LRP1B: variants seen among roughly 807,000 people sequenced by gnomAD.
The protein encoded by LRP1B is low-density lipoprotein receptor-related protein 1B.
Under a neutral mutation model 556.6 loss-of-function variants are expected in LRP1B, and 217 were observed. That is an observed-to-expected ratio of 0.39 (90% CI 0.35 to 0.44). The LOEUF is 0.44. Among genes scored for constraint, LRP1B ranks in the 20% least tolerant of loss-of-function variants. The pLI is 1.00. For missense variants in LRP1B, 5,053 were observed against 5,620.8 expected (o/e 0.90, Z 3.23); for synonymous variants, 2,047 against 1,865.8 (o/e 1.10, Z -2.50).
chr2:141,979,972 T>A (rs965092004), intron 1 of LRP1B, among the ~76,000 whole-genome samples: 5 of 152,292 alleles, frequency 3.3e-5, no homozygotes, highest in Admixed American at 2.6e-4. Flanking sequence ...ATTAATATGT[T>A]TTTCACAACA....
chr2:141,427,351 A>C (rs1271538548), intron 3 of LRP1B, among the ~76,000 whole-genome samples: 1 of 152,180 alleles, frequency 6.6e-6, no homozygotes, highest in Non-Finnish European at 1.5e-5. Context: ...TTAGCAAATA[A>C]ATTTTAAAAA....
At chr2:140,888,503 TTATACA>T (rs1485557295) in intron 23 of LRP1B, among the ~76,000 whole-genome samples, 2 of 150,792 alleles carry the variant, frequency 1.3e-5, no homozygotes, top group South Asian at 2.1e-4. Context: ...ATATATATAC[TTATACA>T]TATAAATATA....
At chr2:141,828,242 CA>C (rs749266365) in intron 1 of LRP1B, among the ~76,000 whole-genome samples, 17 of 152,078 alleles carry the variant, frequency 1.1e-4, no homozygotes, top group African/African-American at 1.7e-4. Flanking sequence ...CTTCAATACA[CA>C]TTTTTTTATT....
At chr2:141,099,475 C>T (rs1700406560) in intron 7 of LRP1B, among the ~76,000 whole-genome samples, 1 of 152,208 alleles carries the variant, frequency 6.6e-6, no homozygotes, top group Non-Finnish European at 1.5e-5. Flanking sequence ...TCTTTCAGTT[C>T]TCATAGGGCA....
At chr2:140,464,620 T>A (rs150801826) in intron 60 of LRP1B, among the ~76,000 whole-genome samples, 1 of 152,324 alleles carries the variant, frequency 6.6e-6, no homozygotes, top group Admixed American at 6.5e-5. Context: ...CAAAGCAACA[T>A]TGCTTCATGC....
intron 87 of LRP1B, among the ~76,000 whole-genome samples, chr2:140,244,159 G>T (rs1681061598): frequency 6.6e-6 from 1 of 151,090 alleles, no homozygotes; most frequent in Non-Finnish European, 1.5e-5. Context: ...TGCTTTGGGA[G>T]AAATGGAAAT....
rs564815006 is a variant in LRP1B at position 140,921,051 on chromosome 2, A to G, written c.3319+1914T>C. The stretch of plus-strand genomic sequence containing the variant: ...ATCAATACACATTTTAAAATAAATT[A>G]CAAGCACTTAGAATATTCTGTTAAA... On this transcript the variant is annotated intron_variant, in intron 21 of 90. Coordinates refer to ENST00000389484, the MANE Select transcript of LRP1B (RefSeq NM_018557.3). 1.4e-4 allele frequency among the ~76,000 whole-genome samples: 21 copies of G among 152,168 alleles called. No homozygotes were observed. In the South Asian group the frequency reaches 2.1e-3, roughly 15 times the overall value.
intron 60 of LRP1B, among the ~76,000 whole-genome samples, chr2:140,468,984 A>G (rs548153053): frequency 2.0e-5 from 3 of 152,322 alleles, no homozygotes; most frequent in South Asian, 2.1e-4. Context: ...TTTCACTCAT[A>G]TCTGATTTAG....
At chr2:141,188,872 A>G (rs1681376144) in intron 6 of LRP1B, among the ~76,000 whole-genome samples, 2 of 152,050 alleles carry the variant, frequency 1.3e-5, no homozygotes, top group Non-Finnish European at 1.5e-5. Context: ...GTAATCTCTT[A>G]CTTTTTGCAT....
chr2:141,249,679 C>T (rs567106765), intron 4 of LRP1B, among the ~76,000 whole-genome samples: 1 of 151,974 alleles, frequency 6.6e-6, no homozygotes, highest in East Asian at 1.9e-4. Context: ...TTCATGACTA[C>T]TGTAAGAAAA....
chr2:141,830,284 C>T (rs573038191), intron 1 of LRP1B, among the ~76,000 whole-genome samples: 2 of 151,878 alleles, frequency 1.3e-5, no homozygotes, highest in African/African-American at 2.4e-5. Context: ...TTTCTGGCAG[C>T]CTGCATTATA....
intron 15 of LRP1B, among the ~76,000 whole-genome samples, chr2:140,998,157 A>T (rs1480789006): frequency 6.6e-6 from 1 of 152,066 alleles, no homozygotes; most frequent in African/African-American, 2.4e-5. Flanking sequence ...GGTGATAAAG[A>T]TCACAGAGTA....
rs1688895448 is a variant in LRP1B, at chr2:140,495,714, T to C, written c.8885A>G (p.Asp2962Gly). 1.2e-5 allele frequency: 20 copies of C among 1,611,176 alleles called. No individual in the cohort carries two copies. The highest frequency in any genetic ancestry group is 1.6e-5 in the Non-Finnish European group (19 of 1,177,544). The part of the protein sequence containing the change: ...KCWPGFQLKD[D>G]GKTCVDIDEC... ...ATCAATGTCTACACATGTTTTGCCG[T>C]CATCCTTCAGTTGGAATCCAGGCCA... Residue 2962 changes from aspartate to glycine, a missense_variant, in exon 56 of 91, where the codon GAC becomes GGC. Around this residue, in one of 5 missense-constraint regions of LRP1B, gnomAD observed 3,619 missense variants for 3,931.9 expected, o/e 0.92. Transcript: ENST00000389484.
intron 25 of LRP1B, among the ~76,000 whole-genome samples, chr2:140,873,104 A>G (rs1693191377): frequency 6.6e-6 from 1 of 152,108 alleles, no homozygotes; most frequent in African/African-American, 2.4e-5. Context: ...AATTTTTGGT[A>G]AAGTAGTTAA....
chr2:140,279,789 T>C (rs557755860), intron 84 of LRP1B, among the ~76,000 whole-genome samples: 6 of 152,004 alleles, frequency 3.9e-5, no homozygotes, highest in African/African-American at 1.4e-4. Context: ...AGAAACTTAA[T>C]AGTTACTAAA....
At chr2:141,733,832 C>G (rs1025981327) in intron 2 of LRP1B, among the ~76,000 whole-genome samples, 15 of 152,080 alleles carry the variant, frequency 9.9e-5, no homozygotes, top group Non-Finnish European at 1.5e-5. Flanking sequence ...AGACTACTAT[C>G]AAGTGTTTCT....
At chr2:141,279,268 G>T (rs907773835) in intron 3 of LRP1B, among the ~76,000 whole-genome samples, 2 of 149,430 alleles carry the variant, frequency 1.3e-5, no homozygotes, top group East Asian at 2.0e-4. Context: ...TAAATATTGA[G>T]TATTTTGGGG....
At chr2:141,588,021 A>G (rs1037427705) in intron 2 of LRP1B, among the ~76,000 whole-genome samples, 1 of 152,228 alleles carries the variant, frequency 6.6e-6, no homozygotes, top group Non-Finnish European at 1.5e-5. Context: ...CAAAATATGT[A>G]TATGAAATTA....
At chr2:140,800,953 A>G (rs1690487250) in intron 32 of LRP1B, among the ~76,000 whole-genome samples, 1 of 152,072 alleles carries the variant, frequency 6.6e-6, no homozygotes, top group South Asian at 2.1e-4. Context: ...AAATTCTACA[A>G]TATATTTATG....
Sources: allele counts gnomAD v4.1 joint callset (sites outside exome capture counted in the v4.1 genomes callset), GRCh38; gene constraint gnomAD v4.1.1; regional missense constraint gnomAD v4.1.1; transcripts MANE v1.5; gene names NCBI Gene and HGNC (gene_info 2026-07-23, HGNC 2026-07-21).